The following CSGALNACT1 variants were observed in gnomAD, a reference collection of about 807,000 sequenced individuals.
CSGALNACT1 encodes chondroitin sulfate N-acetylgalactosaminyltransferase 1.
A neutral mutation model predicts 51.0 loss-of-function variants in CSGALNACT1; 52 were observed. The ratio of observed to expected loss-of-function variants is 1.02; its 90% CI spans 0.82 to 1.29. The LOEUF (loss-of-function observed/expected upper bound fraction) is 1.29, where lower values mean the gene tolerates loss of function less well. CSGALNACT1 is among the 50% of genes most tolerant of loss of function. The probability of loss-of-function intolerance (pLI) is 0.00; values close to 1 mark genes in which losing one functional copy is unlikely to be tolerated. For synonymous variants in CSGALNACT1, 341 were observed against 254.4 expected (o/e 1.34, Z -3.24); for missense variants, 935 against 679.2 (o/e 1.38, Z -4.19).
At chr8:19,630,588 C>T (rs1187444136) in intron 1 of CSGALNACT1, among the ~76,000 whole-genome samples, 1 of 152,180 alleles carries the variant, frequency 6.6e-6, no homozygotes, top group Non-Finnish European at 1.5e-5. Context: ...CAGTATCAGG[C>T]AGCATAATGT....
At chr8:19,456,547 G>A (rs996157067) in intron 5 of CSGALNACT1, among the ~76,000 whole-genome samples, 2 of 152,246 alleles carry the variant, frequency 1.3e-5, no homozygotes, top group Non-Finnish European at 2.9e-5. Context: ...GAGATGTAAT[G>A]TTTAATCAAC....
intron 5 of CSGALNACT1, chr8:19,457,414 A>T: frequency 5.6e-6 from 2 of 358,778 alleles, no homozygotes; most frequent in South Asian, 4.3e-5. Context: ...GGAGTTCAAG[A>T]CTAGCCCGGC....
chr8:19,576,133 C>T (rs1439256168), intron 3 of CSGALNACT1, among the ~76,000 whole-genome samples: 1 of 152,032 alleles, frequency 6.6e-6, no homozygotes, highest in Non-Finnish European at 1.5e-5. Flanking sequence ...CCCAGAGAGG[C>T]TGGAGAGGAT....
At chr8:19,610,131 A>G (rs554264292) in intron 1 of CSGALNACT1, among the ~76,000 whole-genome samples, 4 of 151,460 alleles carry the variant, frequency 2.6e-5, no homozygotes, top group East Asian at 3.9e-4. Flanking sequence ...CTCTACTAAA[A>G]ATACAAAAAT....
intron 1 of CSGALNACT1, among the ~76,000 whole-genome samples, chr8:19,663,802 T>C (rs2058964347): frequency 6.6e-6 from 1 of 152,246 alleles, no homozygotes; most frequent in Admixed American, 6.5e-5. Context: ...TGAGAACAGA[T>C]AAGAGCCAGA....
At chr8:19,516,897 G>T (rs2079634575) in intron 3 of CSGALNACT1, among the ~76,000 whole-genome samples, 1 of 152,196 alleles carries the variant, frequency 6.6e-6, no homozygotes, top group African/African-American at 2.4e-5. Flanking sequence ...TGCTGCCTTT[G>T]CTCCTGGAGT....
chr8:19,450,906 G>T (rs2063071176), intron 5 of CSGALNACT1, among the ~76,000 whole-genome samples: 1 of 151,424 alleles, frequency 6.6e-6, no homozygotes, highest in African/African-American at 2.4e-5. Flanking sequence ...CTTTTTTAGA[G>T]ACCCTGTCTT....
chr8:19,532,438 C>T (rs1283224226), intron 3 of CSGALNACT1, among the ~76,000 whole-genome samples: 1 of 152,182 alleles, frequency 6.6e-6, no homozygotes, highest in East Asian at 1.9e-4. Context: ...TGTCTGTCTT[C>T]TCTTTTCTAT....
At chr8:19,630,192 CTCTGTG>C (rs1453783113) in intron 1 of CSGALNACT1, among the ~76,000 whole-genome samples, 3 of 119,962 alleles carry the variant, frequency 2.5e-5, no homozygotes, top group Non-Finnish European at 5.2e-5. Flanking sequence ...GTTCCCACGT[CTCTGTG>C]TGTGTGTGTG....
At chr8:19,417,853 C>G (rs527808450) in intron 8 of CSGALNACT1, among the ~76,000 whole-genome samples, 1 of 152,180 alleles carries the variant, frequency 6.6e-6, no homozygotes, top group Non-Finnish European at 1.5e-5. Context: ...TCAACAATAC[C>G]GGGAAATTCC....
intron 6 of CSGALNACT1, among the ~76,000 whole-genome samples, chr8:19,427,585 G>A (rs1359387095): frequency 5.9e-5 from 9 of 152,140 alleles, no homozygotes; most frequent in African/African-American, 1.2e-4. Flanking sequence ...TCAGGAGATC[G>A]AGACCATCCT....
chr8:19,715,652 G>A (rs1215920945), intron 1 of CSGALNACT1, among the ~76,000 whole-genome samples: 1 of 152,148 alleles, frequency 6.6e-6, no homozygotes, highest in Non-Finnish European at 1.5e-5. Flanking sequence ...TGCATGCCTA[G>A]TAATTTTTAT....
chr8:19,409,231 A>ATGTTACCAGCTCTCCAACTC (rs1218575341), intron 8 of CSGALNACT1, among the ~76,000 whole-genome samples: 1 of 152,204 alleles, frequency 6.6e-6, no homozygotes, highest in Non-Finnish European at 1.5e-5. Flanking sequence ...AGACTTCAGT[A>ATGTTACCAGCTCTCCAACTC]TGTTACCAGC....
At chr8:19,618,608 G>T (rs1325222352) in intron 1 of CSGALNACT1, among the ~76,000 whole-genome samples, 5 of 118,692 alleles carry the variant, frequency 4.2e-5, no homozygotes, top group African/African-American at 1.6e-4. Flanking sequence ...CTGTAGCCTG[G>T]GTGACAGAGG....
rs2975446 is a variant in CSGALNACT1, at chr8:19,562,477, C to A, written c.-297+28683G>T. On this transcript the variant is annotated intron_variant, in intron 3 of 9. Coordinates refer to ENST00000454498, the Ensembl canonical transcript of CSGALNACT1. ...CAAATGGGGTTCAATTAAACAGCTT[C>A]TGCACAGAAAAAAAAAAAAAACTAC... Among the ~76,000 whole-genome samples, 5 of 145,100 alleles carry A rather than the reference C, an allele frequency of 3.4e-5. No individual in the cohort carries two copies. The South Asian group carries it at 1.1e-3, about 32-fold the overall frequency.
chr8:19,509,569 C>T (rs1246295548), intron 3 of CSGALNACT1, among the ~76,000 whole-genome samples: 3 of 134,914 alleles, frequency 2.2e-5, no homozygotes, highest in African/African-American at 8.4e-5. Context: ...TTGCAATGAG[C>T]TGAGATTGCA....
intron 1 of CSGALNACT1, among the ~76,000 whole-genome samples, chr8:19,652,650 T>A (rs145429804): frequency 1.5e-4 from 23 of 152,282 alleles, no homozygotes; most frequent in African/African-American, 5.1e-4. Flanking sequence ...TATCCACTGC[T>A]CCTCTATTTA....
chr8:19,578,919 G>T (rs543141979), intron 3 of CSGALNACT1, among the ~76,000 whole-genome samples: 3 of 152,180 alleles, frequency 2.0e-5, no homozygotes, highest in African/African-American at 7.2e-5. Flanking sequence ...CTTTCTCTTG[G>T]AGTTCTTGCT....
upstream of CSGALNACT1, among the ~76,000 whole-genome samples, chr8:19,605,303 G>A (rs2051211028): frequency 6.6e-6 from 1 of 152,118 alleles, no homozygotes; most frequent in Non-Finnish European, 1.5e-5. Flanking sequence ...GGGCATGGTG[G>A]CAGGCACCTG....
Sources: gnomAD v4.1 joint callset for allele counts (sites outside exome capture counted in the v4.1 genomes callset) on GRCh38, gnomAD v4.1.1 for gene constraint, MANE v1.5 for transcripts, NCBI Gene and HGNC (gene_info 2026-07-23, HGNC 2026-07-21) for gene names.